Variants in DOCK7 observed in about 807,000 individuals in gnomAD.
The protein encoded by DOCK7 is dedicator of cytokinesis 7.
Under a neutral mutation model 271.0 loss-of-function variants are expected in DOCK7, and 138 were observed. The observed-to-expected ratio is 0.51, with a 90% confidence interval of 0.44 to 0.59. The LOEUF (loss-of-function observed/expected upper bound fraction) is 0.59, where lower values mean the gene tolerates loss of function less well. DOCK7 is among the 20% of genes least tolerant of loss of function. The pLI is 0.00. For missense variants in DOCK7, 2,066 were observed against 2,592.4 expected (o/e 0.80, Z 4.41); for synonymous variants, 823 against 876.1 (o/e 0.94, Z 1.07).
chr1:62,600,798 T>C (rs1002693012), intron 14 of DOCK7, among the ~76,000 whole-genome samples: 20 of 151,942 alleles, frequency 1.3e-4, no homozygotes, highest in Admixed American at 1.1e-3. Context: ...CATTACAATA[T>C]TCTAAGCAAA....
At position 62,618,819 on chromosome 1, in the gene DOCK7, G is replaced by A. The variant is rs2149586149; in HGVS notation, c.1569C>T (p.Cys523=). The change falls in exon 14 of 50, where the codon TGC becomes TGT. Residue 523 remains cysteine, a synonymous_variant. Transcript: ENST00000635253. ...ISPAPENPHY[C]LTPELLQVKL... ...TCACTTGAAGCAGCTCCGGAGTTAG[G>A]CAATAATGGGGATTTTCAGGTGCGG... 1 of 1,613,740 alleles carries A rather than the reference G, an allele frequency of 6.2e-7. No individual in the cohort carries two copies. The highest frequency in any genetic ancestry group is 8.5e-7 in the Non-Finnish European group (1 of 1,179,720).
intron 7 of DOCK7, among the ~76,000 whole-genome samples, chr1:62,638,985 C>G (rs1180215390): frequency 6.6e-6 from 1 of 151,768 alleles, no homozygotes; most frequent in Admixed American, 6.6e-5. Flanking sequence ...ATTCATTTGG[C>G]AAAATATTTA....
Position 62,528,273 on chromosome 1 carries a change from T to C in DOCK7, c.3814A>G (p.Ile1272Val), listed in dbSNP as rs751761598. The C allele has an allele frequency of 3.1e-6, 5 of 1,612,926 alleles. No homozygotes were observed. The highest frequency in any genetic ancestry group is 2.7e-5 in the African/African-American group (2 of 74,928). ...TCACTTTCATAATCATCAGTGGCTA[T>C]ACAAATTGGTCTTCCTCGTTGATTG... The part of the protein sequence containing the change: ...THNQRGRPIC[I>V]ATDDYESESG... Residue 1272 changes from isoleucine to valine, a missense_variant, in exon 31 of 50, where the codon ATA becomes GTA. Physicochemically the swap from Ile to Val is conservative, Grantham distance 29. Around this residue, in one of 2 missense-constraint regions of DOCK7, gnomAD observed 1,414 missense variants for 1,670.4 expected, o/e 0.85. Coordinates refer to ENST00000635253, the MANE Select transcript of DOCK7 (RefSeq NM_001367561.1).
At chr1:62,668,720 C>G (rs561685176) in intron 1 of DOCK7, among the ~76,000 whole-genome samples, 1 of 151,974 alleles carries the variant, frequency 6.6e-6, no homozygotes, top group East Asian at 1.9e-4. Context: ...TGGCAAAACT[C>G]TGTCTCTACT....
intron 11 of DOCK7, chr1:62,628,824 C>T (rs1654258500): frequency 6.6e-6 from 1 of 152,062 alleles, no homozygotes; most frequent in Non-Finnish European, 1.5e-5. Context: ...ATAAAGAACT[C>T]CTACAACTCA....
chr1:62,465,926 G>C (rs1291790898), intron 48 of DOCK7, among the ~76,000 whole-genome samples: 1 of 152,194 alleles, frequency 6.6e-6, no homozygotes, highest in African/African-American at 2.4e-5. Context: ...AAGTGTATCT[G>C]TAGATTAATG....
At chr1:62,510,449 C>G in intron 34 of DOCK7, 128 bp downstream of exon 34, 1 of 560,046 alleles carries the variant, frequency 1.8e-6, no homozygotes, top group South Asian at 6.1e-5. Context: ...ATATTTTGTT[C>G]TCTAAGACTT....
chr1:62,532,063 G>T (rs1279110822), intron 29 of DOCK7, among the ~76,000 whole-genome samples: 1 of 125,370 alleles, frequency 8.0e-6, no homozygotes, highest in African/African-American at 3.6e-5. Context: ...TTATTTATGA[G>T]ACAGAGTCTT....
intron 12 of DOCK7, among the ~76,000 whole-genome samples, chr1:62,622,269 T>C (rs1254579527): frequency 6.6e-6 from 1 of 152,224 alleles, no homozygotes; most frequent in East Asian, 1.9e-4. Flanking sequence ...ATGAGCCTAG[T>C]TCACTGGAGT....
At chr1:62,487,284 G>A in intron 43 of DOCK7, 114 bp downstream of exon 43, 1 of 976,686 alleles carries the variant, frequency 1.0e-6, no homozygotes, top group Non-Finnish European at 1.6e-6. Context: ...GAATTCAGTT[G>A]ATAGCAGATA....
In DOCK7 at chr1:62,520,503, A is replaced by G. The variant is rs554746289; in HGVS notation, c.3937-6605T>C. Among the ~76,000 whole-genome samples the G allele has an allele frequency of 5.9e-5, 9 of 152,366 alleles. No individual in the cohort carries two copies. In the South Asian group the frequency reaches 1.7e-3, roughly 28 times the overall value. ...CCAACAAACATATGAAAAAAAGCTC[A>G]TCATCACTGGTCATTACAGAAATGC... On this transcript the variant is annotated intron_variant, in intron 31 of 49. Coordinates refer to ENST00000635253, the MANE Select transcript of DOCK7 (RefSeq NM_001367561.1).
chr1:62,494,653 A>C, intron 39 of DOCK7, 186 bp from the exon 40 acceptor site: 3 of 334,864 alleles, frequency 9.0e-6, no homozygotes, highest in Admixed American at 4.9e-5. Flanking sequence ...GGAATGGATA[A>C]TATCAGTTGG....
intron 31 of DOCK7, among the ~76,000 whole-genome samples, chr1:62,523,992 A>G (rs942935880): frequency 1.3e-5 from 2 of 152,232 alleles, no homozygotes; most frequent in African/African-American, 2.4e-5. Flanking sequence ...ATAACTGACA[A>G]TGGACTTGAT....
intron 43 of DOCK7, among the ~76,000 whole-genome samples, chr1:62,480,131 G>A (rs952030093): frequency 6.6e-6 from 1 of 152,052 alleles, no homozygotes; most frequent in Non-Finnish European, 1.5e-5. Flanking sequence ...ATCTTCATAT[G>A]ACAGTAATTT....
intron 1 of DOCK7, chr1:62,687,648 A>C (rs1445500769): frequency 6.6e-6 from 1 of 152,260 alleles, no homozygotes; most frequent in East Asian, 1.9e-4. Flanking sequence ...GCACAAGTCC[A>C]CTTTGAACCT....
chr1:62,478,208 A>C (rs1267533007), intron 43 of DOCK7: 22 of 158,398 alleles, frequency 1.4e-4, no homozygotes, highest in Non-Finnish European at 4.2e-5. Flanking sequence ...ACTAGAGCAT[A>C]CTAGGTCAAG....
chr1:62,507,045 G>A (rs1212267174), intron 35 of DOCK7, among the ~76,000 whole-genome samples: 3 of 151,974 alleles, frequency 2.0e-5, no homozygotes, highest in African/African-American at 7.2e-5. Flanking sequence ...CTGACTTGAA[G>A]TGATCCACCC....
chr1:62,629,995 T>G (rs557477391), intron 11 of DOCK7, among the ~76,000 whole-genome samples: 1 of 152,230 alleles, frequency 6.6e-6, no homozygotes, highest in African/African-American at 2.4e-5. Flanking sequence ...GGCCGAAGCC[T>G]GTTCCAGCAG....
intron 6 of DOCK7, 63 bp from the exon 7 acceptor site, chr1:62,647,839 T>G: frequency 7.9e-7 from 1 of 1,273,772 alleles, no homozygotes; most frequent in Non-Finnish European, 1.1e-6. Context: ...TTTATCTTTT[T>G]CAGAACTTAC....
Sources: gnomAD v4.1 joint callset for allele counts (sites outside exome capture counted in the v4.1 genomes callset) on GRCh38, gnomAD v4.1.1 for gene constraint, gnomAD v4.1.1 regional missense constraint, MANE v1.5 for transcripts, NCBI Gene and HGNC (gene_info 2026-07-23, HGNC 2026-07-21) for gene names.